CDC42BPA: variants seen among roughly 807,000 people sequenced by gnomAD.
CDC42BPA encodes serine/threonine-protein kinase MRCK alpha.
Under a neutral mutation model 223.5 loss-of-function variants are expected in CDC42BPA, and 80 were observed. That is an observed-to-expected ratio of 0.36 (90% CI 0.30 to 0.43). The LOEUF (loss-of-function observed/expected upper bound fraction) is 0.43. CDC42BPA is among the 20% of genes least tolerant of loss of function. CDC42BPA has a pLI of 1.00. For synonymous variants in CDC42BPA, 694 were observed against 718.6 expected (o/e 0.97, Z 0.55); for missense variants, 1,743 against 2,099.9 (o/e 0.83, Z 3.32).
intron 1 of CDC42BPA, among the ~76,000 whole-genome samples, chr1:227,287,527 C>G (rs1184344665): frequency 6.6e-6 from 1 of 152,074 alleles, no homozygotes; most frequent in Non-Finnish European, 1.5e-5. Context: ...AAAGTTTTAA[C>G]AAAGTTAGAA....
Position 227,317,248 on chromosome 1 carries a change from T to A in CDC42BPA, c.-66A>T. The A allele has an allele frequency of 6.7e-7, 1 of 1,503,092 alleles. No individual in the cohort carries two copies. Among genetic ancestry groups the A allele is most frequent in the Non-Finnish European group, 9.0e-7 (1 of 1,110,516 alleles). The allele number at this position is 1,503,092 out of a possible 1,614,324, so 93.1% of individuals were successfully genotyped here. A position where few individuals can be genotyped will look rare whatever the true frequency, so the allele number is the denominator to read the frequency against. The stretch of plus-strand genomic sequence containing the variant: ...GATGACTTTTACTATTATCTGAACC[T>A]AAATTTTAAAAGGTATGGTTTTAAA... On this transcript the variant is annotated 5_prime_UTR_variant, in exon 1 of 37. The change abolishes the stop of an existing upstream ORF in the 5' untranslated region. Coordinates refer to ENST00000366766, the MANE Select transcript of CDC42BPA (RefSeq NM_001394014.1).
chr1:227,065,097 A>AAAATAAATAAATAAATAAAT (rs61601477), intron 21 of CDC42BPA, among the ~76,000 whole-genome samples: 3,472 of 148,772 alleles, frequency 0.023, 114 homozygotes, highest in African/African-American at 0.078. Flanking sequence ...ACTCCATCTC[A>AAAATAAATAAATAAATAAAT]AAATAAATAA....
intron 30 of CDC42BPA, 94 bp downstream of exon 30, chr1:227,028,563 T>G: frequency 2.4e-6 from 2 of 830,958 alleles, no homozygotes; most frequent in Non-Finnish European, 3.7e-6. Context: ...TTTAAAAAAC[T>G]GTTATCAACA....
chr1:227,276,246 C>T (rs557535242), intron 1 of CDC42BPA, among the ~76,000 whole-genome samples: 9 of 150,782 alleles, frequency 6.0e-5, no homozygotes, highest in South Asian at 2.1e-4. Flanking sequence ...CGCCTCTGCC[C>T]GGCCGCGACC....
At chr1:227,187,443 A>G (rs1177888020) in intron 5 of CDC42BPA, among the ~76,000 whole-genome samples, 1 of 151,358 alleles carries the variant, frequency 6.6e-6, no homozygotes, top group Non-Finnish European at 1.5e-5. Context: ...GCTTGAGAAT[A>G]TAATAGAAAC....
intron 8 of CDC42BPA, among the ~76,000 whole-genome samples, chr1:227,143,588 C>T (rs1036027575): frequency 1.3e-5 from 2 of 152,172 alleles, no homozygotes; most frequent in African/African-American, 4.8e-5. Flanking sequence ...TCTAGTGTTC[C>T]TAGCGCCAGA....
chr1:227,122,755 T>G (rs1688873113), intron 11 of CDC42BPA, among the ~76,000 whole-genome samples: 1 of 152,198 alleles, frequency 6.6e-6, no homozygotes, highest in African/African-American at 2.4e-5. Context: ...ACACAGCACT[T>G]GTAATTTGGA....
chr1:227,073,400 CA>C (rs1370324819), intron 19 of CDC42BPA, among the ~76,000 whole-genome samples: 1 of 152,016 alleles, frequency 6.6e-6, no homozygotes, highest in Non-Finnish European at 1.5e-5. Context: ...ACATGAAAAA[CA>C]ATAATTATAC....
At chr1:227,000,131 TAATAAG>T (rs750298589) in intron 35 of CDC42BPA, among the ~76,000 whole-genome samples, 5,061 of 57,946 alleles carry the variant, frequency 0.087, 100 homozygotes, top group Non-Finnish European at 0.17. Flanking sequence ...ATAATAATAA[TAATAAG>T]CTCTCCTGAT....
chr1:227,251,149 A>G (rs1681927392), intron 2 of CDC42BPA, among the ~76,000 whole-genome samples: 1 of 152,212 alleles, frequency 6.6e-6, no homozygotes, highest in African/African-American at 2.4e-5. Flanking sequence ...GAAAATACAA[A>G]TATGTGGGTA....
At chr1:227,105,562 C>T (rs557273718) in intron 14 of CDC42BPA, among the ~76,000 whole-genome samples, 1 of 152,022 alleles carries the variant, frequency 6.6e-6, no homozygotes, top group East Asian at 1.9e-4. Flanking sequence ...CTCTGTTGCC[C>T]AGGCTGGTTT....
rs543642274 is a variant in CDC42BPA at position 227,026,999 on chromosome 1, C to T, written c.4433-847G>A. On this transcript the variant is annotated intron_variant, in intron 30 of 36. Transcript: ENST00000366766. ...ATAGAGACAGGTTCTCGCTATGTTG[C>T]CCAAGTTGGCCTCGAACTTCTGGCC... is the stretch of plus-strand genomic sequence containing the variant. Among the ~76,000 whole-genome samples, 22 of 152,256 alleles carry T rather than the reference C, an allele frequency of 1.4e-4. No homozygotes were observed. The East Asian group carries it at 3.7e-3, about 25-fold the overall frequency.
rs796792033 is a variant in CDC42BPA, at chr1:227,150,081, G to A, written c.694-2522C>T. Among the ~76,000 whole-genome samples the A allele has an allele frequency of 2.5e-4, 38 of 151,956 alleles. 1 individual carries two copies. The highest frequency in any genetic ancestry group is 8.2e-4 in the African/African-American group (34 of 41,446). On this transcript the variant is annotated intron_variant, in intron 6 of 36. Coordinates refer to ENST00000366766, the MANE Select transcript of CDC42BPA (RefSeq NM_001394014.1). ...TCTACAAAAAATACAAAAATTAGCTGGACATGGTGGCACATGTCTGTACTA... is the reference window on the plus strand; with the variant it reads ...TCTACAAAAAATACAAAAATTAGCTAGACATGGTGGCACATGTCTGTACTA...
intron 1 of CDC42BPA, among the ~76,000 whole-genome samples, chr1:227,278,059 G>A (rs1026320049): frequency 2.0e-5 from 3 of 152,058 alleles, no homozygotes; most frequent in Admixed American, 2.0e-4. Context: ...ACCCTTAGTA[G>A]TTTTTAACTT....
chr1:227,188,255 A>G (rs1669154153), intron 5 of CDC42BPA, among the ~76,000 whole-genome samples: 1 of 152,186 alleles, frequency 6.6e-6, no homozygotes, highest in Non-Finnish European at 1.5e-5. Flanking sequence ...AATTAGGATT[A>G]TTCTGTTATT....
At chr1:227,147,814 A>C (rs1362531755) in intron 6 of CDC42BPA, among the ~76,000 whole-genome samples, 3 of 152,096 alleles carry the variant, frequency 2.0e-5, no homozygotes, top group African/African-American at 7.2e-5. Flanking sequence ...ATTTAATTTA[A>C]ACCATCATAC....
chr1:227,095,943 T>C (rs1683913822), intron 15 of CDC42BPA, among the ~76,000 whole-genome samples: 1 of 152,186 alleles, frequency 6.6e-6, no homozygotes, highest in Admixed American at 6.5e-5. Flanking sequence ...GGCATATATC[T>C]ACAGCAATTT....
In CDC42BPA at chr1:226,991,015, A is replaced by G. The variant is rs923909790; in HGVS notation, c.*3253T>C. On this transcript the variant is annotated 3_prime_UTR_variant, in exon 37 of 37. Transcript: ENST00000366766. ...GTGTTGGGGATGTGTATAAATACAT[A>G]CATAATAACAAAAAATGTAAGATCT... 2 of 152,644 alleles carry G rather than the reference A, an allele frequency of 1.3e-5. No homozygotes were observed. Among genetic ancestry groups the G allele is most frequent in the African/African-American group, 4.8e-5 (2 of 41,456 alleles). The allele number at this position is 152,644 out of a possible 1,614,324, so 9.5% of individuals were successfully genotyped here. A position where few individuals can be genotyped will look rare whatever the true frequency, so the allele number is the denominator to read the frequency against.
At chr1:227,163,662 T>C (rs1664508216) in intron 5 of CDC42BPA, among the ~76,000 whole-genome samples, 1 of 151,908 alleles carries the variant, frequency 6.6e-6, no homozygotes, top group South Asian at 2.1e-4. Flanking sequence ...TTCTTCATGA[T>C]GTGTTACAAA....
Sources: gnomAD v4.1 joint callset for allele counts (sites outside exome capture counted in the v4.1 genomes callset) on GRCh38, gnomAD v4.1.1 for gene constraint, MANE v1.5 for transcripts, NCBI Gene and HGNC (gene_info 2026-07-23, HGNC 2026-07-21) for gene names.